PCDHA6: variants seen among roughly 807,000 people sequenced by gnomAD.
The protein encoded by PCDHA6 is protocadherin alpha-6.
A neutral mutation model predicts 60.3 loss-of-function variants in PCDHA6; 55 were observed. The observed-to-expected ratio is 0.91, with a 90% CI of 0.73 to 1.14. The LOEUF is 1.14. PCDHA6 is among the 50% of genes most tolerant of loss of function. The pLI is 0.00. For missense variants in PCDHA6, 1,327 were observed against 1,256.5 expected (o/e 1.06, Z -0.85); for synonymous variants, 652 against 557.9 (o/e 1.17, Z -2.38).
At chr5:140,914,807 A>G (rs929659841) in intron 1 of PCDHA6, among the ~76,000 whole-genome samples, 2 of 152,330 alleles carry the variant, frequency 1.3e-5, no homozygotes, top group Middle Eastern at 3.4e-3. Context: ...ACTGATGGCA[A>G]CTTAACAGAC....
At chr5:140,999,845 T>G (rs1293721817) in intron 3 of PCDHA6, among the ~76,000 whole-genome samples, 1 of 152,188 alleles carries the variant, frequency 6.6e-6, no homozygotes, top group Non-Finnish European at 1.5e-5. Flanking sequence ...CAAGTGTATT[T>G]ATCTCTTCCG....
At chr5:140,849,627 G>C in intron 1 of PCDHA6, 1 of 1,598,784 alleles carries the variant, frequency 6.3e-7, no homozygotes, top group Non-Finnish European at 8.6e-7. Context: ...GATCGACCTA[G>C]ACGCAGATGC....
Position 140,850,388 on chromosome 5 carries a change from C to G in PCDHA6, c.2394+19903C>G. On this transcript the variant is annotated intron_variant, in intron 1 of 3. Coordinates refer to ENST00000529310, the MANE Select transcript of PCDHA6 (RefSeq NM_018909.4). Reference sequence around the variant, plus strand: ...GCGTGGGGCTGTACACGGGCGAGATCAGCACAACGCGTGCCCTGGACGAAA... The same window carrying G: ...GCGTGGGGCTGTACACGGGCGAGATGAGCACAACGCGTGCCCTGGACGAAA... 1.9e-6 allele frequency: 3 copies of G among 1,597,966 alleles called. No individual in the cohort carries two copies. In the African/African-American group the frequency reaches 4.0e-5, roughly 21 times the overall value.
intron 1 of PCDHA6, chr5:140,860,476 G>A (rs1456923557): frequency 3.9e-5 from 6 of 152,106 alleles, no homozygotes; most frequent in Non-Finnish European, 8.8e-5. Context: ...TGGTGCAGTA[G>A]TACTTTATTT....
intron 1 of PCDHA6, among the ~76,000 whole-genome samples, chr5:140,963,794 A>G (rs2095791576): frequency 6.6e-6 from 1 of 152,248 alleles, no homozygotes; most frequent in Non-Finnish European, 1.5e-5. Flanking sequence ...ACAATAATGT[A>G]CTTAACTAGT....
chr5:140,884,172 G>T lies in PCDHA6; in HGVS notation c.2394+53687G>T, dbSNP rs142435897. ...TACACTGGCGAGATCAGCACGACGCGCCCTCTGGACGAGGTGGACGCGCCG... is the reference window on the plus strand; with the variant it reads ...TACACTGGCGAGATCAGCACGACGCTCCCTCTGGACGAGGTGGACGCGCCG... On this transcript the variant is annotated intron_variant, in intron 1 of 3. Transcript: ENST00000529310. 84 of 1,613,386 alleles carry T rather than the reference G, an allele frequency of 5.2e-5. No homozygotes were observed. In the African/African-American group the frequency reaches 9.2e-4, roughly 18 times the overall value.
rs2098423382 is a variant in PCDHA6, at chr5:141,012,241, T to C, written c.*2304T>C. On this transcript the variant is annotated 3_prime_UTR_variant, in exon 4 of 4. Coordinates refer to ENST00000529310, the MANE Select transcript of PCDHA6 (RefSeq NM_018909.4). ...GTGCTTTCCAATCCATGTTAGTTAC[T>C]AGTTATTACAGCTGTAAGGATAAAA... 6.5e-6 allele frequency: 1 copy of C among 153,802 alleles called. No homozygotes were observed. The highest frequency in any genetic ancestry group is 6.5e-5 in the Admixed American group (1 of 15,284). The allele number at this position is 153,802 out of a possible 1,614,324, so 9.5% of individuals were successfully genotyped here.
chr5:140,965,259 A>G (rs1257686866), intron 1 of PCDHA6, among the ~76,000 whole-genome samples: 1 of 152,218 alleles, frequency 6.6e-6, no homozygotes, highest in African/African-American at 2.4e-5. Context: ...AGAACTGAGC[A>G]GCAGAGGCAA....
chr5:140,863,840 G>T (rs2048198603), intron 1 of PCDHA6: 1 of 181,960 alleles, frequency 5.5e-6, no homozygotes, highest in Admixed American at 5.3e-5. Flanking sequence ...CTCTACTAAA[G>T]ATATAAAAAA....
chr5:141,004,768 A>G (rs2098180289), intron 3 of PCDHA6, among the ~76,000 whole-genome samples: 1 of 152,160 alleles, frequency 6.6e-6, no homozygotes, highest in Non-Finnish European at 1.5e-5. Flanking sequence ...CAGGACCTGT[A>G]TTTTAAAGGT....
Position 140,894,936 on chromosome 5 carries a change from A to G in PCDHA6, c.2394+64451A>G, listed in dbSNP as rs560165058. Among the ~76,000 whole-genome samples the G allele has an allele frequency of 3.5e-4, 53 of 152,142 alleles. 1 individual carries two copies. The highest frequency in any genetic ancestry group is 5.6e-4 in the Non-Finnish European group (38 of 68,020). On this transcript the variant is annotated intron_variant, in intron 1 of 3. Transcript: ENST00000529310. ...TTGCTCTATAGATTTCTATTCAGCTATTGTCATGAAATGATAAAAATATAA... is the reference window on the plus strand; with the variant it reads ...TTGCTCTATAGATTTCTATTCAGCTGTTGTCATGAAATGATAAAAATATAA...
chr5:140,834,371 C>T (rs367564168), intron 1 of PCDHA6: 1 of 1,557,940 alleles, frequency 6.4e-7, no homozygotes, highest in Non-Finnish European at 8.7e-7. Context: ...GAAAAACAAG[C>T]CAATAATTTG....
chr5:140,978,140 T>C (rs1379052059), intron 1 of PCDHA6, among the ~76,000 whole-genome samples: 2 of 152,222 alleles, frequency 1.3e-5, no homozygotes, highest in Non-Finnish European at 2.9e-5. Flanking sequence ...ATTTTCCTCT[T>C]TGTTCTCCCC....
chr5:140,915,626 GTCTCTCTCTCTC>G (rs57920489), intron 1 of PCDHA6, among the ~76,000 whole-genome samples: 39 of 146,434 alleles, frequency 2.7e-4, no homozygotes, highest in African/African-American at 9.6e-4. Context: ...GTCTCTTTCT[GTCTCTCTCTCTC>G]TCTCTCTCTC....
intron 3 of PCDHA6, among the ~76,000 whole-genome samples, chr5:140,990,233 G>A (rs782139012): frequency 5.3e-5 from 8 of 152,128 alleles, no homozygotes; most frequent in Non-Finnish European, 8.8e-5. Flanking sequence ...TGTAACTAGC[G>A]TTGTATTCCT....
intron 3 of PCDHA6, among the ~76,000 whole-genome samples, chr5:141,002,517 G>A (rs770473989): frequency 5.3e-5 from 8 of 152,208 alleles, no homozygotes; most frequent in Non-Finnish European, 8.8e-5. Flanking sequence ...GAGTCTCCTA[G>A]CTGGAGTCAG....
rs1554189151 is a variant in PCDHA6, at chr5:140,900,427, G to GCA, written c.2394+69943_2394+69944insAC. On this transcript the variant is annotated intron_variant, in intron 1 of 3. Transcript: ENST00000529310. ...CAAGTAGCTGGGATTATAGGCACGT[G>GCA]CCACCACGGCCGGCTAATTTTTTAT... 7.9e-5 allele frequency among the ~76,000 whole-genome samples: 12 copies of GCA among 152,230 alleles called. No homozygotes were observed. The East Asian group carries it at 2.3e-3, about 30-fold the overall frequency.
At chr5:140,927,165 T>A in intron 1 of PCDHA6, 1 of 1,614,164 alleles carries the variant, frequency 6.2e-7, no homozygotes, top group Non-Finnish European at 8.5e-7. Context: ...GGGCCAAAGC[T>A]GCCTGCGTCT....
At chr5:140,882,482 G>C (rs200256955) in intron 1 of PCDHA6, 38 of 1,613,930 alleles carry the variant, frequency 2.4e-5, no homozygotes, top group Admixed American at 8.3e-5. Flanking sequence ...CAAAAGACAC[G>C]GGGACCTTCT....
Sources: gnomAD v4.1 joint callset for allele counts (sites outside exome capture counted in the v4.1 genomes callset) on GRCh38, gnomAD v4.1.1 for gene constraint, MANE v1.5 for transcripts, NCBI Gene and HGNC (gene_info 2026-07-23, HGNC 2026-07-21) for gene names.